Variants in CLUAP1 observed in about 807,000 individuals in gnomAD.
CLUAP1 encodes the protein clusterin-associated protein 1.
In CLUAP1, 50 loss-of-function variants were observed where a neutral mutation model predicts 55.0. The ratio of observed to expected loss-of-function variants is 0.91; its 90% CI spans 0.72 to 1.15. CLUAP1 has a LOEUF of 1.15. Among genes scored for constraint, CLUAP1 ranks in the 50% most tolerant of loss-of-function variants. The probability of loss-of-function intolerance (pLI) is 0.00; values close to 1 mark genes in which losing one functional copy is unlikely to be tolerated. For synonymous variants in CLUAP1, 195 were observed against 175.4 expected (o/e 1.11, Z -0.88); for missense variants, 530 against 507.6 (o/e 1.04, Z -0.42).
chr16:3,532,711 A>G (rs1480203177), intron 10 of CLUAP1, 75 bp from the exon 11 acceptor site: 4 of 1,528,102 alleles, frequency 2.6e-6, no homozygotes, highest in Non-Finnish European at 3.6e-6. Flanking sequence ...CTGGCCAGAA[A>G]ACAAATCTTG....
At chr16:3,510,615 G>A (rs1596387385) in intron 4 of CLUAP1, among the ~76,000 whole-genome samples, 1 of 152,218 alleles carries the variant, frequency 6.6e-6, no homozygotes, top group African/African-American at 2.4e-5. Flanking sequence ...GGTGTGTTCC[G>A]CCTCTGTGCT....
At chr16:3,505,269 G>A (rs952857393) in intron 2 of CLUAP1, among the ~76,000 whole-genome samples, 5 of 152,152 alleles carry the variant, frequency 3.3e-5, no homozygotes, top group African/African-American at 9.7e-5. Flanking sequence ...AGTGGCTCAC[G>A]CCTGTAATCC....
chr16:3,498,012 CACAATATGCTGCCT>C (rs1294760417), upstream of CLUAP1, among the ~76,000 whole-genome samples: 1 of 151,934 alleles, frequency 6.6e-6, no homozygotes, highest in African/African-American at 2.4e-5. Flanking sequence ...TGAGAAGTCG[CACAATATGCTGCCT>C]GCAAGCTGGA....
chr16:3,522,217 GCAGTGGCGCAAT>G (rs2037851726), intron 7 of CLUAP1, among the ~76,000 whole-genome samples: 1 of 152,130 alleles, frequency 6.6e-6, no homozygotes, highest in Non-Finnish European at 1.5e-5. Flanking sequence ...AGGCTGGAGT[GCAGTGGCGCAAT>G]CTCGGCTCAC....
At chr16:3,504,985 G>C (rs2037474847) in intron 2 of CLUAP1, among the ~76,000 whole-genome samples, 154 bp downstream of exon 2, 1 of 152,144 alleles carries the variant, frequency 6.6e-6, no homozygotes, top group Non-Finnish European at 1.5e-5. Flanking sequence ...GTTGTGGCTG[G>C]GCACAGTGGC....
chr16:3,526,288 C>T (rs1434401509), intron 8 of CLUAP1, 124 bp from the exon 9 acceptor site: 8 of 450,206 alleles, frequency 1.8e-5, no homozygotes, highest in Admixed American at 1.4e-4. Context: ...TCTTCCCCTT[C>T]CTTGAGTTTA....
In CLUAP1 at chr16:3,536,149, A is replaced by C; in HGVS notation, c.1120A>C (p.Met374Leu). 1 of 1,614,146 alleles carries C rather than the reference A, an allele frequency of 6.2e-7. No individual in the cohort carries two copies. Among genetic ancestry groups the C allele is most frequent in the South Asian group, 1.1e-5 (1 of 91,082 alleles). Residue 374 changes from methionine (M) to leucine (L), a missense_variant, in exon 12 of 12, where the codon ATG becomes CTG. Coordinates refer to ENST00000576634, the MANE Select transcript of CLUAP1 (RefSeq NM_015041.3). ...GGACTCGGAGGAGAGTGAAATTGAC[A>C]TGGAAGATGATGATGACGAGGATGA... is the stretch of plus-strand genomic sequence containing the variant. ...NEDSEESEID[M>L]EDDDDEDDDL...
chr16:3,527,299 A>C (rs1449627650), intron 9 of CLUAP1, among the ~76,000 whole-genome samples: 1 of 152,150 alleles, frequency 6.6e-6, no homozygotes, highest in African/African-American at 2.4e-5. Flanking sequence ...CTCGCTCTAC[A>C]ATCATAACCT....
At position 3,536,154 on chromosome 16, in the gene CLUAP1, A is replaced by C; in HGVS notation, c.1125A>C (p.Glu375Asp). ...CGGAGGAGAGTGAAATTGACATGGA[A>C]GATGATGATGACGAGGATGACGATT... is the stretch of plus-strand genomic sequence containing the variant. Reference protein sequence around the residue: ...EDSEESEIDMEDDDDEDDDLE... With the variant: ...EDSEESEIDMDDDDDEDDDLE... Residue 375 changes from glutamate to aspartate, a missense_variant, in exon 12 of 12, where the codon GAA becomes GAC. Glu to Asp is a conservative substitution (Grantham distance 45). Coordinates refer to ENST00000576634, the MANE Select transcript of CLUAP1 (RefSeq NM_015041.3). 1.2e-6 allele frequency: 2 copies of C among 1,614,206 alleles called. No homozygotes were observed. The highest frequency in any genetic ancestry group is 1.7e-6 in the Non-Finnish European group (2 of 1,180,040).
intron 5 of CLUAP1, 31 bp from the exon 6 acceptor site, chr16:3,515,477 A>C (rs775885234): frequency 8.0e-6 from 12 of 1,502,474 alleles, no homozygotes; most frequent in African/African-American, 1.4e-5. Context: ...CTTTTCTGAA[A>C]ATATACGTAA....
In CLUAP1 at chr16:3,521,485, A is replaced by C. The variant is rs139735782; in HGVS notation, c.713+1449A>C. Among the ~76,000 whole-genome samples, 610 of 148,422 alleles carry C rather than the reference A, an allele frequency of 4.1e-3. 7 individuals are homozygous for C. Among genetic ancestry groups the C allele is most frequent in the African/African-American group, 0.015 (582 of 40,116 alleles). On this transcript the variant is annotated intron_variant, in intron 7 of 11. Coordinates refer to ENST00000576634, the MANE Select transcript of CLUAP1 (RefSeq NM_015041.3). ...GTTTCGCTCTTGTTGCCGAGGCTGG[A>C]GTGCAATGGCGCGATCCCGGCTCAC...
intron 2 of CLUAP1, 125 bp from the exon 3 acceptor site, chr16:3,506,206 T>G: frequency 1.3e-6 from 1 of 745,450 alleles, no homozygotes; most frequent in Non-Finnish European, 2.4e-6. Context: ...TTGATCTCAC[T>G]CTCCCACTTG....
intron 6 of CLUAP1, among the ~76,000 whole-genome samples, chr16:3,517,552 T>C (rs1300085006): frequency 1.3e-5 from 2 of 152,014 alleles, no homozygotes; most frequent in Non-Finnish European, 2.9e-5. Flanking sequence ...CTTCAGGTGA[T>C]CCGCCCGCCT....
intron 9 of CLUAP1, among the ~76,000 whole-genome samples, chr16:3,528,782 G>C (rs757922828): frequency 4.6e-5 from 7 of 152,102 alleles, no homozygotes; most frequent in Non-Finnish European, 1.0e-4. Context: ...TGAGACAGGG[G>C]GTCCAACTTC....
intron 9 of CLUAP1, among the ~76,000 whole-genome samples, chr16:3,530,218 C>T (rs945297134): frequency 4.6e-5 from 7 of 152,018 alleles, no homozygotes; most frequent in African/African-American, 1.7e-4. Flanking sequence ...TATGCCCCAC[C>T]TCCCAACACT....
chr16:3,510,395 G>T (rs148313044), intron 4 of CLUAP1, among the ~76,000 whole-genome samples: 1 of 151,420 alleles, frequency 6.6e-6, no homozygotes, highest in Non-Finnish European at 1.5e-5. Flanking sequence ...TCGGCCTCCC[G>T]TAGTGCTGGG....
chr16:3,526,531 T>A, intron 9 of CLUAP1, 47 bp downstream of exon 9: 1 of 1,337,566 alleles, frequency 7.5e-7, no homozygotes, highest in Non-Finnish European at 1.0e-6. Flanking sequence ...GACTAGTATT[T>A]TCAGCCTTGA....
chr16:3,510,405 G>C (rs2151047282), intron 4 of CLUAP1, among the ~76,000 whole-genome samples: 1 of 152,236 alleles, frequency 6.6e-6, no homozygotes, highest in South Asian at 2.1e-4. Flanking sequence ...GTAGTGCTGG[G>C]ATTATAGGCG....
At chr16:3,525,479 C>G (rs889504631) in intron 8 of CLUAP1, among the ~76,000 whole-genome samples, 1 of 152,150 alleles carries the variant, frequency 6.6e-6, no homozygotes, top group Non-Finnish European at 1.5e-5. Flanking sequence ...AAACACAGTG[C>G]TTTATTTTTA....
Sources: gnomAD v4.1 joint callset for allele counts (sites outside exome capture counted in the v4.1 genomes callset) on GRCh38, gnomAD v4.1.1 for gene constraint, MANE v1.5 for transcripts, NCBI Gene and HGNC (gene_info 2026-07-23, HGNC 2026-07-21) for gene names.